The following BAHD1 variants were observed in gnomAD, a reference collection of about 807,000 sequenced individuals.
BAHD1 encodes the protein bromo adjacent homology domain-containing 1 protein.
A neutral mutation model predicts 63.1 loss-of-function variants in BAHD1; 20 were observed. That is an observed-to-expected ratio of 0.32 (90% CI 0.22 to 0.46). The LOEUF is 0.46. Among genes scored for constraint, BAHD1 ranks in the 20% least tolerant of loss-of-function variants. The pLI is 1.00. For missense variants in BAHD1, 939 were observed against 1,071.8 expected (o/e 0.88, Z 1.73); for synonymous variants, 408 against 426.8 (o/e 0.96, Z 0.54).
chr15:40,461,769 C>T (rs1203252210), intron 2 of BAHD1, 143 bp from the exon 3 acceptor site: 10 of 972,030 alleles, frequency 1.0e-5, no homozygotes, highest in Non-Finnish European at 1.5e-5. Flanking sequence ...TGACAGTCCA[C>T]CATAAAAAGG....
rs762158993 is a variant in BAHD1, at chr15:40,459,120, G to A, written c.656G>A (p.Arg219Gln). 16 of 1,612,938 alleles carry A rather than the reference G, an allele frequency of 9.9e-6. No homozygotes were observed. The African/African-American group carries it at 1.1e-4, about 11-fold the overall frequency. The part of the protein sequence containing the change: ...AAAFLKLSQE[R>Q]ELPLRLPRAH... ...GCTTTCCTAAAACTGAGCCAGGAGCGGGAGCTACCCCTGCGGCTGCCTCGT... is the reference window on the plus strand; with the variant it reads ...GCTTTCCTAAAACTGAGCCAGGAGCAGGAGCTACCCCTGCGGCTGCCTCGT... The change falls in exon 2 of 7, where the codon CGG (arginine) becomes CAG (glutamine). Residue 219 changes from arginine to glutamine, a missense_variant. Coordinates refer to ENST00000416165, the MANE Select transcript of BAHD1 (RefSeq NM_014952.5).
intron 1 of BAHD1, among the ~76,000 whole-genome samples, chr15:40,452,555 A>G (rs545251754): frequency 6.7e-6 from 1 of 150,304 alleles, no homozygotes; most frequent in South Asian, 2.1e-4. Flanking sequence ...GTTGTGGCCC[A>G]CAACTGAGGG....
chr15:40,444,960 A>AT (rs1384682135), intron 1 of BAHD1, among the ~76,000 whole-genome samples: 2 of 151,780 alleles, frequency 1.3e-5, no homozygotes, highest in Non-Finnish European at 1.5e-5. Context: ...TCCCCCGTCA[A>AT]TTAAAAAAAA....
intron 1 of BAHD1, among the ~76,000 whole-genome samples, chr15:40,441,547 CG>C (rs1893402016): frequency 1.3e-5 from 2 of 149,848 alleles, no homozygotes; most frequent in Admixed American, 1.3e-4. Flanking sequence ...TGACAGCCCC[CG>C]GGGGCCGCCC....
In BAHD1 at chr15:40,458,518, C is replaced by T; in HGVS notation, c.54C>T (p.Gly18=). ...SLPMLSSGLT[G]RREPLQMEDS... Reference sequence around the variant, plus strand: ...CCATGCTGAGTTCGGGCCTCACTGGCCGCCGAGAGCCCCTGCAGATGGAAG... The same window carrying T: ...CCATGCTGAGTTCGGGCCTCACTGGTCGCCGAGAGCCCCTGCAGATGGAAG... The change falls in exon 2 of 7, where the codon GGC becomes GGT. Residue 18 remains glycine (G), a synonymous_variant. Coordinates refer to ENST00000416165, the MANE Select transcript of BAHD1 (RefSeq NM_014952.5). The surrounding 1 kb of genome is among the most constrained non-coding windows in gnomAD (Gnocchi z 4.7). The T allele has an allele frequency of 1.2e-6, 2 of 1,611,474 alleles. No homozygotes were observed. Among genetic ancestry groups the T allele is most frequent in the Non-Finnish European group, 1.7e-6 (2 of 1,178,682 alleles).
chr15:40,459,471 C>T lies in BAHD1; in HGVS notation c.1007C>T (p.Pro336Leu). 6.2e-7 allele frequency: 1 copy of T among 1,613,878 alleles called. No homozygotes were observed. Among genetic ancestry groups the T allele is most frequent in the Non-Finnish European group, 8.5e-7 (1 of 1,180,020 alleles). The change falls in exon 2 of 7, where the codon CCT (proline) becomes CTT (leucine). Residue 336 changes from proline (P) to leucine (L), a missense_variant. Transcript: ENST00000416165. ...CCTGGGCGCCCAGGCGAGGAGTCAC[C>T]TGCCCCTAAGCAGGAACTGCATCAG... Reference protein sequence around the residue: ...PEPGRPGEESPAPKQELHQPS... With the variant: ...PEPGRPGEESLAPKQELHQPS...
Position 40,459,106 on chromosome 15 carries a change from A to T in BAHD1, c.642A>T (p.Lys214Asn). 1 of 1,612,938 alleles carries T rather than the reference A, an allele frequency of 6.2e-7. No individual in the cohort carries two copies. The highest frequency in any genetic ancestry group is 8.5e-7 in the Non-Finnish European group (1 of 1,179,832). ...LASLNAAAFLKLSQERELPLR... is the reference protein window; with the variant it reads ...LASLNAAAFLNLSQERELPLR... ...GCCTGAACGCAGCTGCTTTCCTAAA[A>T]CTGAGCCAGGAGCGGGAGCTACCCC... is the stretch of plus-strand genomic sequence containing the variant. The change falls in exon 2 of 7, where the codon AAA (lysine) becomes AAT (asparagine). Residue 214 changes from lysine (K) to asparagine (N), a missense_variant. This residue lies in a region of BAHD1 where 797 missense variants were observed against 813.3 expected (regional missense o/e 0.98). Coordinates refer to ENST00000416165, the MANE Select transcript of BAHD1 (RefSeq NM_014952.5).
intron 1 of BAHD1, among the ~76,000 whole-genome samples, chr15:40,441,880 G>A (rs1434285137): frequency 6.6e-6 from 1 of 151,906 alleles, no homozygotes; most frequent in African/African-American, 2.4e-5. Flanking sequence ...GCCGGGCCGG[G>A]GGCGGCAGGG....
chr15:40,463,931 G>C lies in BAHD1; in HGVS notation c.1886G>C (p.Arg629Pro). 1 of 1,614,212 alleles carries C rather than the reference G, an allele frequency of 6.2e-7. No individual in the cohort carries two copies. The highest frequency in any genetic ancestry group is 8.5e-7 in the Non-Finnish European group (1 of 1,180,044). Residue 629 changes from arginine (R) to proline (P), a missense_variant, in exon 4 of 7, where the codon CGG becomes CCG. This residue lies in a region of BAHD1 where 35 missense variants were observed against 56.5 expected (regional missense o/e 0.62). Coordinates refer to ENST00000416165, the MANE Select transcript of BAHD1 (RefSeq NM_014952.5). The stretch of plus-strand genomic sequence containing the variant: ...CGGCATGGGGAGACAATCCGAGTCC[G>C]GGACACCGTCCTTCTCAAATCAGGC... ...VERHGETIRV[R>P]DTVLLKSGPR...
At chr15:40,439,844 G>T (rs546454838), upstream of BAHD1, 1 of 152,454 alleles carries the variant, frequency 6.6e-6, no homozygotes, top group East Asian at 1.9e-4. Flanking sequence ...ATCTCTCTCT[G>T]TGCCCTTAGC....
intron 1 of BAHD1, among the ~76,000 whole-genome samples, chr15:40,451,708 C>G (rs1893708845): frequency 6.6e-6 from 1 of 152,166 alleles, no homozygotes; most frequent in African/African-American, 2.4e-5. Context: ...TGTGGGGGGG[C>G]CAGCAAATGT....
At chr15:40,464,647 C>T in intron 5 of BAHD1, 100 bp downstream of exon 5, 2 of 984,610 alleles carry the variant, frequency 2.0e-6, no homozygotes, top group Non-Finnish European at 3.1e-6. Flanking sequence ...GGGCTGTAGT[C>T]AAATCCCTGC....
rs145191535 is a variant in BAHD1 at position 40,458,547 on chromosome 15, G to A, written c.83G>A (p.Ser28Asn). Residue 28 changes from serine (S) to asparagine (N), a missense_variant, in exon 2 of 7, where the codon AGC (serine) becomes AAC (asparagine). This residue lies in a region of BAHD1 where 797 missense variants were observed against 813.3 expected (regional missense o/e 0.98). Coordinates refer to ENST00000416165, the MANE Select transcript of BAHD1 (RefSeq NM_014952.5). This position sits in a 1 kb window ranked among gnomAD's most constrained non-coding sequence, Gnocchi z 4.7. Reference protein sequence around the residue: ...GRREPLQMEDSNMEQGVEGVE... With the variant: ...GRREPLQMEDNNMEQGVEGVE... ...CGAGAGCCCCTGCAGATGGAAGACAGCAACATGGAGCAGGGGGTTGAGGGT... is the reference window on the plus strand; with the variant it reads ...CGAGAGCCCCTGCAGATGGAAGACAACAACATGGAGCAGGGGGTTGAGGGT... The A allele has an allele frequency of 3.3e-5, 53 of 1,613,928 alleles. 1 individual carries two copies. The African/African-American group carries it at 5.1e-4, about 15-fold the overall frequency.
chr15:40,462,161 G>A lies in BAHD1; in HGVS notation c.1682G>A (p.Ser561Asn). 3 of 1,612,092 alleles carry A rather than the reference G, an allele frequency of 1.9e-6. No individual in the cohort carries two copies. Among genetic ancestry groups the A allele is most frequent in the Non-Finnish European group, 2.5e-6 (3 of 1,179,958 alleles). ...TCCAGCTGCAGGCACACTGCAAGGA[G>A]CAAGGCTGCCCGCAGGCCTAGCCAC... ...TGSSCRHTAR[S>N]KAARRPSHPK... The change falls in exon 3 of 7, where the codon AGC (serine) becomes AAC (asparagine). Residue 561 changes from serine to asparagine, a missense_variant. Transcript: ENST00000416165.
chr15:40,457,532 G>T (rs1893883442), intron 1 of BAHD1, among the ~76,000 whole-genome samples: 1 of 152,202 alleles, frequency 6.6e-6, no homozygotes, highest in Non-Finnish European at 1.5e-5. Flanking sequence ...CCAGGTTGTG[G>T]CAGTCTTGCT....
chr15:40,459,501 C>T lies in BAHD1; in HGVS notation c.1037C>T (p.Ser346Phe). 1.2e-6 allele frequency: 2 copies of T among 1,614,116 alleles called. No homozygotes were observed. The highest frequency in any genetic ancestry group is 2.2e-5 in the South Asian group (2 of 91,090). The change falls in exon 2 of 7, where the codon TCT becomes TTT. Residue 346 changes from serine (S) to phenylalanine (F), a missense_variant. By Grantham distance (155) the Ser-to-Phe change is radical. Coordinates refer to ENST00000416165, the MANE Select transcript of BAHD1 (RefSeq NM_014952.5). ...CCTAAGCAGGAACTGCATCAGCCCTCTTTCCCCACACCTCAGCTGTCGCCG... is the reference window on the plus strand; with the variant it reads ...CCTAAGCAGGAACTGCATCAGCCCTTTTTCCCCACACCTCAGCTGTCGCCG... ...PAPKQELHQP[S>F]FPTPQLSPLP...
upstream of BAHD1, among the ~76,000 whole-genome samples, chr15:40,437,703 G>A (rs1024224880): frequency 6.6e-6 from 1 of 152,224 alleles, no homozygotes; most frequent in African/African-American, 2.4e-5. Flanking sequence ...AGTGGTCACT[G>A]CCACCACTGC....
chr15:40,462,437 C>T lies in BAHD1; in HGVS notation c.1815+143C>T, dbSNP rs1168288220. The T allele has an allele frequency of 3.2e-6, 4 of 1,239,362 alleles. No individual in the cohort carries two copies. In the South Asian group the frequency reaches 4.4e-5, roughly 14 times the overall value. 76.8% of individuals were successfully genotyped at this position (1,239,362 alleles called of 1,614,324 possible). A position where few individuals can be genotyped will look rare whatever the true frequency, so the allele number is the denominator to read the frequency against. Reference sequence around the variant, plus strand: ...CTCCAGTTTACTTGTACCCCAGGAACCAGTCATGCTGGCCCACCCAGCTTG... The same window carrying T: ...CTCCAGTTTACTTGTACCCCAGGAATCAGTCATGCTGGCCCACCCAGCTTG... On this transcript the variant is annotated intron_variant, in intron 3 of 6. Coordinates refer to ENST00000416165, the MANE Select transcript of BAHD1 (RefSeq NM_014952.5).
intron 1 of BAHD1, among the ~76,000 whole-genome samples, chr15:40,447,579 T>TA (rs1377964607): frequency 1.0e-4 from 5 of 49,856 alleles, no homozygotes; most frequent in African/African-American, 2.6e-4. Flanking sequence ...AATAAATAAA[T>TA]AAATAAATAA....
Sources: gnomAD v4.1 joint callset for allele counts (sites outside exome capture counted in the v4.1 genomes callset) on GRCh38, gnomAD v4.1.1 for gene constraint, gnomAD v4.1.1 regional missense constraint, Gnocchi (gnomAD v3.1) non-coding constraint, MANE v1.5 for transcripts, NCBI Gene and HGNC (gene_info 2026-07-23, HGNC 2026-07-21) for gene names.